CHRNA7: variants seen among roughly 807,000 people sequenced by gnomAD.
CHRNA7 encodes the protein neuronal acetylcholine receptor subunit alpha-7.
CHRNA7 carries 17 observed loss-of-function variants against 48.0 expected under a neutral mutation model. The observed-to-expected ratio is 0.35, with a 90% CI of 0.24 to 0.53. CHRNA7 has a LOEUF of 0.53. CHRNA7 is among the 20% of genes least tolerant of loss of function. The pLI is 0.92. For synonymous variants in CHRNA7, 75 were observed against 242.3 expected (o/e 0.31, Z 6.41); for missense variants, 155 against 577.7 (o/e 0.27, Z 7.50).
At chr15:32,100,191 G>T in intron 2 of CHRNA7, 1 of 145,466 alleles carries the variant, frequency 6.9e-6, no homozygotes. Context: ...TCTGCCTTTG[G>T]GTCTTTTTTT....
chr15:32,145,856 C>T (rs1199045574), intron 4 of CHRNA7, among the ~76,000 whole-genome samples: 1 of 152,186 alleles, frequency 6.6e-6, no homozygotes, highest in Non-Finnish European at 1.5e-5. Context: ...AAAGGGAAAT[C>T]CCCCAACCCC....
At chr15:32,121,589 G>A (rs745366562) in intron 4 of CHRNA7, among the ~76,000 whole-genome samples, 3 of 152,188 alleles carry the variant, frequency 2.0e-5, no homozygotes, top group Admixed American at 6.5e-5. Flanking sequence ...TAACATCTTA[G>A]AAAGATCTGG....
At chr15:32,098,871 A>AACAC (rs59894827) in intron 2 of CHRNA7, 24,228 of 134,586 alleles carry the variant, frequency 0.18, 2,457 homozygotes, top group Middle Eastern at 0.23. Context: ...CCCCCCCACC[A>AACAC]ACACACACAC....
At chr15:32,058,066 G>A (rs2141199779) in intron 2 of CHRNA7, among the ~76,000 whole-genome samples, 1 of 152,292 alleles carries the variant, frequency 6.6e-6, no homozygotes, top group South Asian at 2.1e-4. Context: ...ATTTAGGCCA[G>A]GGAGTGATTT....
chr15:32,105,848 A>C (rs982130485), intron 3 of CHRNA7, among the ~76,000 whole-genome samples: 2 of 152,198 alleles, frequency 1.3e-5, no homozygotes, highest in Non-Finnish European at 2.9e-5. Flanking sequence ...CAGTTGTAAC[A>C]CTGTCTCCCA....
At chr15:32,055,080 T>C (rs2049762459) in intron 2 of CHRNA7, among the ~76,000 whole-genome samples, 1 of 152,244 alleles carries the variant, frequency 6.6e-6, no homozygotes, top group Non-Finnish European at 1.5e-5. Context: ...TTTACCATTC[T>C]AGTGGGTGTG....
intron 2 of CHRNA7, among the ~76,000 whole-genome samples, chr15:32,056,980 T>C (rs1429155486): frequency 6.6e-6 from 1 of 152,168 alleles, no homozygotes; most frequent in Non-Finnish European, 1.5e-5. Flanking sequence ...GACTCAGTAG[T>C]GTGAGCAACC....
chr15:32,150,397 T>C (rs554452028), intron 4 of CHRNA7, among the ~76,000 whole-genome samples: 2 of 152,142 alleles, frequency 1.3e-5, no homozygotes, highest in Non-Finnish European at 2.9e-5. Flanking sequence ...CTGAGGGTGA[T>C]TGATGGGGGA....
intron 4 of CHRNA7, among the ~76,000 whole-genome samples, chr15:32,146,317 C>A (rs938918256): frequency 6.6e-6 from 1 of 152,154 alleles, no homozygotes; most frequent in African/African-American, 2.4e-5. Flanking sequence ...ACATAGGGGT[C>A]TCACTTAATG....
intron 4 of CHRNA7, among the ~76,000 whole-genome samples, chr15:32,142,378 T>A (rs1029636540): frequency 1.3e-5 from 2 of 152,204 alleles, no homozygotes; most frequent in African/African-American, 4.8e-5. Context: ...GGTCTAAAAT[T>A]CTCTTTTTTG....
At chr15:32,120,177 G>A (rs1000623719) in intron 4 of CHRNA7, among the ~76,000 whole-genome samples, 4 of 152,198 alleles carry the variant, frequency 2.6e-5, no homozygotes, top group Non-Finnish European at 5.9e-5. Flanking sequence ...CCACTTGCCC[G>A]AGGTCACTCA....
At chr15:32,070,109 A>G (rs1235974199) in intron 2 of CHRNA7, among the ~76,000 whole-genome samples, 3 of 152,242 alleles carry the variant, frequency 2.0e-5, no homozygotes, top group African/African-American at 4.8e-5. Context: ...CAAAAACTAT[A>G]TAGTTTAAGT....
At chr15:32,033,011 G>GCA (rs1269394626) in intron 2 of CHRNA7, among the ~76,000 whole-genome samples, 1 of 152,148 alleles carries the variant, frequency 6.6e-6, no homozygotes, top group Admixed American at 6.5e-5. Flanking sequence ...TACAAAAATA[G>GCA]CACATTGGCA....
chr15:32,148,542 T>C (rs1175086418), intron 4 of CHRNA7, among the ~76,000 whole-genome samples: 1 of 152,082 alleles, frequency 6.6e-6, no homozygotes, highest in Non-Finnish European at 1.5e-5. Flanking sequence ...CCAGGCACCA[T>C]TGTGTGAGGA....
intron 2 of CHRNA7, among the ~76,000 whole-genome samples, chr15:32,094,816 G>A (rs772066860): frequency 2.0e-5 from 3 of 152,058 alleles, no homozygotes; most frequent in South Asian, 2.1e-4. Flanking sequence ...GCCTGCCACC[G>A]CGCCTGGCTA....
chr15:32,147,284 A>G (rs190469080), intron 4 of CHRNA7, among the ~76,000 whole-genome samples: 8 of 152,372 alleles, frequency 5.3e-5, no homozygotes, highest in South Asian at 2.1e-4. Context: ...TTGAAAAACT[A>G]CTGGATACTC....
chr15:32,040,992 T>C (rs933465032), intron 2 of CHRNA7, among the ~76,000 whole-genome samples: 61 of 152,302 alleles, frequency 4.0e-4, no homozygotes, highest in African/African-American at 1.4e-3. Context: ...CTCTTTTTGC[T>C]TGCATGATTT....
chr15:32,066,535 C>T (rs566117650), intron 2 of CHRNA7, among the ~76,000 whole-genome samples: 3 of 152,316 alleles, frequency 2.0e-5, no homozygotes, highest in Admixed American at 2.0e-4. Flanking sequence ...CTGCCTCGGC[C>T]TCCCAAAGTA....
chr15:32,033,022 C>G (rs964200733), intron 2 of CHRNA7, among the ~76,000 whole-genome samples: 8 of 152,140 alleles, frequency 5.3e-5, no homozygotes, highest in African/African-American at 1.4e-4. Flanking sequence ...CACATTGGCA[C>G]TTTGTGTCAA....
Sources: gnomAD v4.1 joint callset for allele counts (sites outside exome capture counted in the v4.1 genomes callset) on GRCh38, gnomAD v4.1.1 for gene constraint, MANE v1.5 for transcripts, NCBI Gene and HGNC (gene_info 2026-07-23, HGNC 2026-07-21) for gene names.